Variants in ESR1 observed in about 807,000 individuals in gnomAD.
ESR1 encodes estrogen receptor 1.
Under a neutral mutation model 52.7 loss-of-function variants are expected in ESR1, and 12 were observed. The observed-to-expected ratio is 0.23, with a 90% CI of 0.15 to 0.37. The LOEUF (loss-of-function observed/expected upper bound fraction) is 0.37, where lower values mean the gene tolerates loss of function less well. ESR1 is among the 10% of genes least tolerant of loss of function. The probability of loss-of-function intolerance (pLI) is 1.00; values close to 1 mark genes in which losing one functional copy is unlikely to be tolerated. For missense variants in ESR1, 584 were observed against 779.7 expected, an observed-to-expected ratio of 0.75 and a Z score of 2.99; for synonymous variants, 305 against 316.8, an observed-to-expected ratio of 0.96 and a Z score of 0.39.
intron 5 of ESR1, among the ~76,000 whole-genome samples, chr6:152,014,796 A>T (rs777457019): frequency 2.6e-5 from 4 of 152,158 alleles, no homozygotes; most frequent in South Asian, 2.1e-4. Context: ...TCCATCTCCC[A>T]TACTGCTGCT....
At chr6:152,024,348 C>T (rs1323170799) in intron 5 of ESR1, among the ~76,000 whole-genome samples, 1 of 151,976 alleles carries the variant, frequency 6.6e-6, no homozygotes. Flanking sequence ...CAGAGTTTTA[C>T]TGTGGATTCT....
intron 2 of ESR1, among the ~76,000 whole-genome samples, chr6:151,868,862 G>T (rs528352861): frequency 6.6e-6 from 1 of 152,208 alleles, no homozygotes; most frequent in South Asian, 2.1e-4. Context: ...AATTTGGGGG[G>T]ACTCCTGAAG....
At chr6:151,854,676 AT>A (rs1787497010) in intron 2 of ESR1, among the ~76,000 whole-genome samples, 1 of 152,158 alleles carries the variant, frequency 6.6e-6, no homozygotes, top group Admixed American at 6.5e-5. Flanking sequence ...GAATTTCTAA[AT>A]TAGCACCCAA....
Position 152,103,177 on chromosome 6 carries a change from C to A in ESR1, c.*4211C>A. The A allele has an allele frequency of 5.0e-6, 1 of 201,126 alleles. No homozygotes were observed. Among genetic ancestry groups the A allele is most frequent in the East Asian group, 7.7e-5 (1 of 12,952 alleles). 12.5% of individuals were successfully genotyped at this position (201,126 alleles called of 1,614,324 possible). ...TTGTTTAATGAAACACACTTGTAAACCTCTTTTGCACTTTGAAAAAGAATC... is the reference window on the plus strand; with the variant it reads ...TTGTTTAATGAAACACACTTGTAAAACTCTTTTGCACTTTGAAAAAGAATC... On this transcript the variant is annotated 3_prime_UTR_variant, in exon 8 of 8. Coordinates refer to ENST00000206249, the MANE Select transcript of ESR1 (RefSeq NM_000125.4).
chr6:151,860,892 A>G (rs1378462001), intron 2 of ESR1, among the ~76,000 whole-genome samples: 1 of 152,178 alleles, frequency 6.6e-6, no homozygotes, highest in Non-Finnish European at 1.5e-5. Context: ...CTCTTACCTA[A>G]GCTTTGTTCT....
intron 2 of ESR1, among the ~76,000 whole-genome samples, chr6:151,717,708 A>G (rs1046034134): frequency 6.6e-6 from 1 of 152,174 alleles, no homozygotes; most frequent in Non-Finnish European, 1.5e-5. Flanking sequence ...CCACTTTTTT[A>G]TATTTTCCAA....
intron 1 of ESR1, among the ~76,000 whole-genome samples, chr6:151,700,102 C>T (rs780378393): frequency 2.0e-5 from 3 of 151,746 alleles, no homozygotes; most frequent in Non-Finnish European, 4.4e-5. Flanking sequence ...GAGTTCATTC[C>T]TAAGGTTGTT....
At chr6:151,991,743 G>A (rs1045923773) in intron 4 of ESR1, among the ~76,000 whole-genome samples, 5 of 152,120 alleles carry the variant, frequency 3.3e-5, no homozygotes, top group South Asian at 4.2e-4. Context: ...TCTGCTTCAC[G>A]TCTGTGATTC....
intron 2 of ESR1, among the ~76,000 whole-genome samples, chr6:151,755,299 C>A (rs534582099): frequency 2.0e-5 from 3 of 151,270 alleles, no homozygotes; most frequent in African/African-American, 7.3e-5. Flanking sequence ...CCCCTTTAAA[C>A]CTCCTCTTCT....
At chr6:151,689,785 T>A (rs1053673461), upstream of ESR1, among the ~76,000 whole-genome samples, 1 of 152,192 alleles carries the variant, frequency 6.6e-6, no homozygotes, top group African/African-American at 2.4e-5. Flanking sequence ...AAAATATTTT[T>A]AAAAATTCAT....
chr6:152,079,558 T>C (rs2049022122), intron 6 of ESR1, among the ~76,000 whole-genome samples: 1 of 151,686 alleles, frequency 6.6e-6, no homozygotes, highest in African/African-American at 2.4e-5. Flanking sequence ...AAGTGGAAAA[T>C]TCCAAAAACC....
intron 2 of ESR1, among the ~76,000 whole-genome samples, chr6:151,754,122 T>C (rs1177612722): frequency 2.0e-5 from 3 of 152,114 alleles, no homozygotes; most frequent in Admixed American, 1.3e-4. Context: ...CAAGTCAAAA[T>C]AGTCAATGGA....
chr6:151,953,330 G>T (rs1055109568), intron 4 of ESR1, among the ~76,000 whole-genome samples: 1 of 152,190 alleles, frequency 6.6e-6, no homozygotes, highest in Non-Finnish European at 1.5e-5. Context: ...AGTGATGAAA[G>T]AGGTTAATTT....
chr6:152,110,596 C>T (rs1009720570), intron 6 of ESR1, among the ~76,000 whole-genome samples: 23 of 151,952 alleles, frequency 1.5e-4, no homozygotes, highest in African/African-American at 3.6e-4. Context: ...AATACCTGCG[C>T]GACAAAATAA....
At chr6:151,887,017 G>A (rs551698585) in intron 3 of ESR1, among the ~76,000 whole-genome samples, 1 of 150,254 alleles carries the variant, frequency 6.7e-6, no homozygotes, top group South Asian at 2.1e-4. Flanking sequence ...CTCCAGCCTG[G>A]GTGACGGAAT....
At chr6:151,806,161 C>T (rs986295087), upstream of ESR1, among the ~76,000 whole-genome samples, 3 of 152,188 alleles carry the variant, frequency 2.0e-5, no homozygotes, top group African/African-American at 7.2e-5. Context: ...ATCTGCGATG[C>T]ACCTAATGTG....
At chr6:151,968,085 G>A (rs2038480533) in intron 4 of ESR1, among the ~76,000 whole-genome samples, 1 of 151,710 alleles carries the variant, frequency 6.6e-6, no homozygotes, top group African/African-American at 2.4e-5. Flanking sequence ...ATAGACTGAT[G>A]GAACAGAACA....
chr6:152,084,420 A>AT (rs1344463292), intron 6 of ESR1, among the ~76,000 whole-genome samples: 3 of 139,990 alleles, frequency 2.1e-5, no homozygotes, highest in East Asian at 2.3e-4. Flanking sequence ...TTAAAGTATA[A>AT]TAAAAAAAAA....
chr6:152,073,775 C>T (rs1185756477), intron 6 of ESR1, among the ~76,000 whole-genome samples: 2 of 152,076 alleles, frequency 1.3e-5, no homozygotes, highest in East Asian at 3.9e-4. Flanking sequence ...ACCAACTGGC[C>T]GACCTCAGGC....
Sources: allele counts gnomAD v4.1 joint callset (sites outside exome capture counted in the v4.1 genomes callset), GRCh38; gene constraint gnomAD v4.1.1; transcripts MANE v1.5; gene names NCBI Gene and HGNC (gene_info 2026-07-23, HGNC 2026-07-21).